The following CCDC158 variants were observed in gnomAD, a reference collection of about 807,000 sequenced individuals.
CCDC158 encodes coiled-coil domain-containing protein 158.
CCDC158 carries 116 observed loss-of-function variants against 138.6 expected under a neutral mutation model. The ratio of observed to expected loss-of-function variants is 0.84; its 90% CI spans 0.72 to 0.98. The LOEUF is 0.98. CCDC158 is among the 50% of genes least tolerant of loss of function. The pLI is 0.00. For synonymous variants in CCDC158, 436 were observed against 442.4 expected (o/e 0.99, Z 0.18); for missense variants, 1,265 against 1,306.1 (o/e 0.97, Z 0.48).
intron 22 of CCDC158, among the ~76,000 whole-genome samples, chr4:76,327,545 A>G (rs1188576056): frequency 1.3e-5 from 2 of 152,192 alleles, no homozygotes; most frequent in Non-Finnish European, 2.9e-5. Flanking sequence ...AATGGTAAGT[A>G]TTTATTTATC....
At chr4:76,324,861 A>G (rs1297004893) in intron 23 of CCDC158, among the ~76,000 whole-genome samples, 1 of 152,206 alleles carries the variant, frequency 6.6e-6, no homozygotes, top group Admixed American at 6.5e-5. Context: ...GAGGCCCTGC[A>G]TCTGCGGGGA....
intron 4 of CCDC158, 65 bp from the exon 5 acceptor site, chr4:76,384,730 T>C: frequency 2.8e-6 from 3 of 1,061,766 alleles, no homozygotes; most frequent in Non-Finnish European, 4.3e-6. Flanking sequence ...AGCTAGTAAC[T>C]TCCAAAGATC....
chr4:76,351,690 C>T (rs368831343), intron 17 of CCDC158, 30 bp downstream of exon 17: 19 of 1,328,836 alleles, frequency 1.4e-5, no homozygotes, highest in South Asian at 4.8e-5. Context: ...GCATTATTTT[C>T]GCTTAAACTA....
chr4:76,365,433 T>C (rs1724558241), intron 12 of CCDC158, among the ~76,000 whole-genome samples: 1 of 152,144 alleles, frequency 6.6e-6, no homozygotes, highest in Admixed American at 6.5e-5. Context: ...GAACTGAAAA[T>C]TAGTTTTACT....
chr4:76,410,081 A>G (rs1241659367), intron 2 of CCDC158, among the ~76,000 whole-genome samples: 3 of 152,118 alleles, frequency 2.0e-5, no homozygotes, highest in Non-Finnish European at 2.9e-5. Flanking sequence ...GTGCACTTAT[A>G]CTTTTCCTAG....
chr4:76,374,909 ATCTG>A (rs964196841), intron 9 of CCDC158, among the ~76,000 whole-genome samples: 4 of 152,120 alleles, frequency 2.6e-5, no homozygotes, highest in Admixed American at 2.0e-4. Flanking sequence ...TTATCTTTCC[ATCTG>A]TCTATTAAGT....
Position 76,384,595 on chromosome 4 carries a change from T to C in CCDC158, c.359A>G (p.Gln120Arg), listed in dbSNP as rs1488827278. The change falls in exon 5 of 25, where the codon CAG becomes CGG. Residue 120 changes from glutamine to arginine, a missense_variant. Physicochemically the swap from Gln to Arg is conservative, Grantham distance 43 (BLOSUM62 1). Coordinates refer to ENST00000682701, the MANE Select transcript of CCDC158 (RefSeq NM_001394954.1). The part of the protein sequence containing the change: ...QSVIDLQTKL[Q>R]EMQMERDAMA... Reference sequence around the variant, plus strand: ...AGCATCTCTCTCCATTTGCATCTCCTGAAGTTTTGTTTGCAAATCAATGAC... The same window carrying C: ...AGCATCTCTCTCCATTTGCATCTCCCGAAGTTTTGTTTGCAAATCAATGAC... 6.2e-7 allele frequency: 1 copy of C among 1,613,796 alleles called. No homozygotes were observed. Among genetic ancestry groups the C allele is most frequent in the East Asian group, 2.2e-5 (1 of 44,862 alleles).
chr4:76,372,523 T>C (rs1725339034), intron 9 of CCDC158, among the ~76,000 whole-genome samples: 1 of 152,222 alleles, frequency 6.6e-6, no homozygotes, highest in South Asian at 2.1e-4. Flanking sequence ...AGAAGAGCTA[T>C]TTTGCTTCAG....
chr4:76,365,150 C>G (rs1446485153), intron 12 of CCDC158, among the ~76,000 whole-genome samples: 1 of 152,192 alleles, frequency 6.6e-6, no homozygotes, highest in East Asian at 1.9e-4. Flanking sequence ...TAAGAAAGGT[C>G]TAGCTCTGGG....
rs757685973 is a variant in CCDC158, at chr4:76,396,406, C to T, written c.151G>A (p.Val51Ile). 2.5e-6 allele frequency: 4 copies of T among 1,613,754 alleles called. No homozygotes were observed. The South Asian group carries it at 3.3e-5, about 13-fold the overall frequency. The change falls in exon 4 of 25, where the codon GTT (valine) becomes ATT (isoleucine). Residue 51 changes from valine to isoleucine, a missense_variant. Coordinates refer to ENST00000682701, the MANE Select transcript of CCDC158 (RefSeq NM_001394954.1). Reference protein sequence around the residue: ...NTSSAGTLTQVPFFPKYEVEL... With the variant: ...NTSSAGTLTQIPFFPKYEVEL... ...ACTTCATATTTAGGGAAAAAAGGAA[C>T]CTGTGTCAAAGTCCCAGCTGAAGAT...
chr4:76,373,727 T>C (rs1246647367), intron 9 of CCDC158, among the ~76,000 whole-genome samples: 1 of 152,228 alleles, frequency 6.6e-6, no homozygotes, highest in Non-Finnish European at 1.5e-5. Flanking sequence ...CAGTTTCCCA[T>C]TTACCTACAG....
intron 1 of CCDC158, among the ~76,000 whole-genome samples, chr4:76,413,650 A>G (rs1385250545): frequency 6.6e-6 from 1 of 152,194 alleles, no homozygotes. Flanking sequence ...GTTGAAGATA[A>G]GAATGGGTGA....
Position 76,332,476 on chromosome 4 carries a change from T to G in CCDC158, c.2838A>C (p.Arg946Ser), listed in dbSNP as rs777317295. The G allele has an allele frequency of 1.1e-5, 18 of 1,608,502 alleles. No individual in the cohort carries two copies. Among genetic ancestry groups the G allele is most frequent in the Non-Finnish European group, 1.4e-5 (16 of 1,176,360 alleles). The change falls in exon 20 of 25, where the codon AGA (arginine) becomes AGC (serine). Residue 946 changes from arginine to serine, a missense_variant. Arg to Ser is a moderately radical substitution (Grantham distance 110). Coordinates refer to ENST00000682701, the MANE Select transcript of CCDC158 (RefSeq NM_001394954.1). ...ALYVAVEDRV[R>S]DCITESSLRS... ...TCAGGCTGGATTCAGTAATGCAATC[T>G]CTTACCCTATCCTCTCTGTATAGAA... is the stretch of plus-strand genomic sequence containing the variant.
intron 9 of CCDC158, among the ~76,000 whole-genome samples, chr4:76,372,712 A>T (rs114370973): frequency 6.6e-6 from 1 of 152,220 alleles, no homozygotes; most frequent in Non-Finnish European, 1.5e-5. Flanking sequence ...TCAACTATTA[A>T]TATAAAATGG....
intron 8 of CCDC158, among the ~76,000 whole-genome samples, chr4:76,380,256 G>C (rs1726111067): frequency 6.6e-6 from 1 of 152,142 alleles, no homozygotes; most frequent in African/African-American, 2.4e-5. Context: ...AAAGACGAGG[G>C]AAAGTCTGGA....
At chr4:76,364,839 A>G (rs1050523354) in intron 12 of CCDC158, among the ~76,000 whole-genome samples, 3 of 152,228 alleles carry the variant, frequency 2.0e-5, no homozygotes, top group African/African-American at 7.2e-5. Context: ...ATATAGCCAC[A>G]TGACAAGCTT....
Position 76,396,457 on chromosome 4 carries a change from T to G in CCDC158, c.100A>C (p.Ile34Leu), listed in dbSNP as rs374895901. The change falls in exon 4 of 25, where the codon ATT becomes CTT. Residue 34 changes from isoleucine (I) to leucine (L), a missense_variant. Physicochemically the swap from Ile to Leu is conservative, Grantham distance 5. Coordinates refer to ENST00000682701, the MANE Select transcript of CCDC158 (RefSeq NM_001394954.1). Reference sequence around the variant, plus strand: ...GTGTTTTCAATTATTGTACCACGAATAGATGACACAAAAAATGAACTTGAA... The same window carrying G: ...GTGTTTTCAATTATTGTACCACGAAGAGATGACACAAAAAATGAACTTGAA... Reference protein sequence around the residue: ...GSSSSFFVSSIRGTIIENTSS... With the variant: ...GSSSSFFVSSLRGTIIENTSS... The G allele has an allele frequency of 6.2e-7, 1 of 1,608,740 alleles. No homozygotes were observed.
intron 7 of CCDC158, among the ~76,000 whole-genome samples, 175 bp downstream of exon 7, chr4:76,383,487 C>G (rs1726473444): frequency 6.6e-6 from 1 of 152,094 alleles, no homozygotes. Flanking sequence ...ATGACATCTT[C>G]CTTACGATTT....
At chr4:76,374,278 A>G (rs1725518519) in intron 9 of CCDC158, among the ~76,000 whole-genome samples, 1 of 152,230 alleles carries the variant, frequency 6.6e-6, no homozygotes, top group Non-Finnish European at 1.5e-5. Flanking sequence ...TGAATGAACA[A>G]TATCAATTGA....
Sources: gnomAD v4.1 joint callset for allele counts (sites outside exome capture counted in the v4.1 genomes callset) on GRCh38, gnomAD v4.1.1 for gene constraint, MANE v1.5 for transcripts, NCBI Gene and HGNC (gene_info 2026-07-23, HGNC 2026-07-21) for gene names.